Variants in B3GALT1 observed in about 807,000 individuals in gnomAD.
B3GALT1 encodes beta-1,3-galactosyltransferase 1.
In B3GALT1, 10 loss-of-function variants were observed where a neutral mutation model predicts 23.2. That is an observed-to-expected ratio of 0.43 (90% CI 0.27 to 0.73). The LOEUF (loss-of-function observed/expected upper bound fraction) is 0.73, where lower values mean the gene tolerates loss of function less well. Ranked by LOEUF, B3GALT1 falls within the 30% of genes least tolerant of loss-of-function variation. The probability of loss-of-function intolerance (pLI) is 0.21; values close to 1 mark genes in which losing one functional copy is unlikely to be tolerated. For synonymous variants in B3GALT1, 156 were observed against 141.5 expected (o/e 1.10, Z -0.73); for missense variants, 299 against 405.4 (o/e 0.74, Z 2.25).
intron 2 of B3GALT1, among the ~76,000 whole-genome samples, chr2:167,617,472 T>C (rs1267284689): frequency 6.6e-6 from 1 of 152,044 alleles, no homozygotes; most frequent in African/African-American, 2.4e-5. Context: ...GAATAGCCCA[T>C]TATTCCACTC....
chr2:167,566,746 A>G (rs1684178468), intron 2 of B3GALT1, among the ~76,000 whole-genome samples: 1 of 152,124 alleles, frequency 6.6e-6, no homozygotes, highest in Non-Finnish European at 1.5e-5. Flanking sequence ...GAGCTAATGA[A>G]GTGCAAAAGG....
intron 1 of B3GALT1, among the ~76,000 whole-genome samples, chr2:167,445,331 T>A (rs371339709): frequency 2.6e-5 from 4 of 152,242 alleles, no homozygotes; most frequent in African/African-American, 9.6e-5. Context: ...CTGAGAGGTA[T>A]GTATATTCTG....
At chr2:167,304,067 A>G (rs1574024978) in intron 1 of B3GALT1, among the ~76,000 whole-genome samples, 1 of 152,136 alleles carries the variant, frequency 6.6e-6, no homozygotes, top group South Asian at 2.1e-4. Context: ...TTCTTCCCCA[A>G]TTAATACCCT....
At chr2:167,762,279 T>A (rs777502580) in intron 3 of B3GALT1, among the ~76,000 whole-genome samples, 1 of 152,164 alleles carries the variant, frequency 6.6e-6, no homozygotes, top group Non-Finnish European at 1.5e-5. Flanking sequence ...TACCAATACA[T>A]ACAAGAAATT....
At chr2:167,546,765 G>C (rs1421106432) in intron 2 of B3GALT1, among the ~76,000 whole-genome samples, 1 of 152,122 alleles carries the variant, frequency 6.6e-6, no homozygotes. Flanking sequence ...TTTTGGCCTT[G>C]AACTTTGTCT....
chr2:167,464,157 C>CA (rs1266020632), intron 1 of B3GALT1, among the ~76,000 whole-genome samples: 6 of 151,108 alleles, frequency 4.0e-5, no homozygotes, highest in African/African-American at 1.5e-4. Context: ...GAATCCTGTG[C>CA]AATTTTTTTT....
Position 167,373,469 on chromosome 2 carries a change from A to T in B3GALT1, c.-511+80135A>T, listed in dbSNP as rs1283710517. On this transcript the variant is annotated intron_variant, in intron 1 of 4. Coordinates refer to ENST00000392690, the MANE Select transcript of B3GALT1 (RefSeq NM_020981.4). ...TCTAAATACGTATTTCAGTCTAAAG[A>T]CTCAATACATATATCAAACAAACGA... 2.0e-5 allele frequency among the ~76,000 whole-genome samples: 3 copies of T among 152,154 alleles called. 1 individual carries two copies. Among genetic ancestry groups the T allele is most frequent in the Non-Finnish European group, 2.9e-5 (2 of 68,024 alleles).
At chr2:167,468,820 G>A (rs1421000198) in intron 1 of B3GALT1, among the ~76,000 whole-genome samples, 1 of 152,098 alleles carries the variant, frequency 6.6e-6, no homozygotes, top group African/African-American at 2.4e-5. Flanking sequence ...GCAGTGAGCC[G>A]AGATTGTGCC....
chr2:167,358,460 C>T (rs760905161), intron 1 of B3GALT1, among the ~76,000 whole-genome samples: 31 of 152,108 alleles, frequency 2.0e-4, no homozygotes, highest in African/African-American at 5.1e-4. Context: ...GTACACTTAT[C>T]GTTAACAGTT....
intron 1 of B3GALT1, among the ~76,000 whole-genome samples, chr2:167,331,173 T>A (rs1203567248): frequency 1.3e-5 from 2 of 152,148 alleles, no homozygotes; most frequent in African/African-American, 4.8e-5. Context: ...GTAGAGGCTG[T>A]GGCGAAGTTA....
intron 1 of B3GALT1, among the ~76,000 whole-genome samples, chr2:167,374,430 A>C (rs1209141807): frequency 6.6e-6 from 1 of 152,136 alleles, no homozygotes; most frequent in African/African-American, 2.4e-5. Flanking sequence ...TTTTTTGATA[A>C]ATCTTCAAAC....
chr2:167,429,103 C>T (rs1698667703), intron 1 of B3GALT1, among the ~76,000 whole-genome samples: 1 of 151,770 alleles, frequency 6.6e-6, no homozygotes. Flanking sequence ...CACGGTGAAA[C>T]CCCGTCTCTA....
intron 4 of B3GALT1, among the ~76,000 whole-genome samples, chr2:167,837,890 A>T (rs1388464909): frequency 6.6e-6 from 1 of 152,188 alleles, no homozygotes. Context: ...AAACCGCTCA[A>T]CTACATGGAA....
At chr2:167,328,812 CT>C in intron 1 of B3GALT1, among the ~76,000 whole-genome samples, 4 of 151,964 alleles carry the variant, frequency 2.6e-5, no homozygotes, top group East Asian at 1.9e-4. Flanking sequence ...CATTTTTCTA[CT>C]TTTTTTATTT....
intron 1 of B3GALT1, among the ~76,000 whole-genome samples, chr2:167,335,656 G>A (rs1408451264): frequency 6.6e-6 from 1 of 152,172 alleles, no homozygotes; most frequent in Non-Finnish European, 1.5e-5. Context: ...CTGTCATGGT[G>A]CTGGTAGGAG....
chr2:167,340,225 C>T (rs1481733532), intron 1 of B3GALT1, among the ~76,000 whole-genome samples: 1 of 151,376 alleles, frequency 6.6e-6, no homozygotes, highest in African/African-American at 2.4e-5. Flanking sequence ...CCTCTTTTTC[C>T]CTAGGTTCAC....
chr2:167,386,945 G>T (rs1472838830), intron 1 of B3GALT1, among the ~76,000 whole-genome samples: 4 of 152,144 alleles, frequency 2.6e-5, no homozygotes. Flanking sequence ...CTCCTCTGCC[G>T]CTTGAGTGAC....
At chr2:167,553,552 C>G (rs1683787695) in intron 2 of B3GALT1, among the ~76,000 whole-genome samples, 1 of 152,140 alleles carries the variant, frequency 6.6e-6, no homozygotes, top group African/African-American at 2.4e-5. Flanking sequence ...ATCCCAGTCT[C>G]AGTTCCACCT....
chr2:167,526,462 T>C (rs1240977195), intron 2 of B3GALT1, among the ~76,000 whole-genome samples: 1 of 152,200 alleles, frequency 6.6e-6, no homozygotes, highest in African/African-American at 2.4e-5. Flanking sequence ...AATATAACCT[T>C]ATCAACCCCT....
Sources: gnomAD v4.1 joint callset for allele counts (sites outside exome capture counted in the v4.1 genomes callset) on GRCh38, gnomAD v4.1.1 for gene constraint, MANE v1.5 for transcripts, NCBI Gene and HGNC (gene_info 2026-07-23, HGNC 2026-07-21) for gene names.